Variants in LEMD1 observed in about 807,000 individuals in gnomAD.
LEMD1 encodes the protein LEM domain-containing protein 1.
LEMD1 carries 18 observed loss-of-function variants against 17.4 expected under a neutral mutation model. The ratio of observed to expected loss-of-function variants is 1.04; its 90% CI spans 0.72 to 1.54. The LOEUF (loss-of-function observed/expected upper bound fraction) is 1.54. Ranked by LOEUF, LEMD1 falls within the 40% of genes most tolerant of loss-of-function variation. The pLI is 0.00. For synonymous variants in LEMD1, 88 were observed against 77.8 expected, an observed-to-expected ratio of 1.13 and a Z score of -0.69; for missense variants, 195 against 210.4, an observed-to-expected ratio of 0.93 and a Z score of 0.45.
chr1:205,398,857 A>C (rs1032722438), intron 4 of LEMD1, among the ~76,000 whole-genome samples: 7 of 152,192 alleles, frequency 4.6e-5, no homozygotes, highest in African/African-American at 1.7e-4. Context: ...TCACGGACAT[A>C]GTTACGGGTG....
chr1:205,435,558 T>A lies in LEMD1; in HGVS notation c.-39+14310A>T, dbSNP rs7537336. ...GGAGGGACAGAAGAAAGGGAAGTAC[T>A]GGTTTCAATTCCCCAGTGAATCTGA... On this transcript the variant is annotated intron_variant, in intron 1 of 3. Transcript: ENST00000367154. 296 of 152,164 alleles carry A rather than the reference T, an allele frequency of 1.9e-3. 1 individual carries two copies. Among genetic ancestry groups the A allele is most frequent in the African/African-American group, 6.9e-3 (287 of 41,496 alleles). 9.4% of individuals were successfully genotyped at this position (152,164 alleles called of 1,614,324 possible). A position where few individuals can be genotyped will look rare whatever the true frequency, so the allele number is the denominator to read the frequency against.
intron 4 of LEMD1, chr1:205,386,613 C>T (rs893705803): frequency 6.6e-6 from 1 of 152,398 alleles, no homozygotes; most frequent in Non-Finnish European, 1.5e-5. Flanking sequence ...CCCTGTGCCC[C>T]CCTTCTTAAA....
chr1:205,398,673 G>T (rs1217705975), intron 4 of LEMD1, among the ~76,000 whole-genome samples: 1 of 152,146 alleles, frequency 6.6e-6, no homozygotes, highest in African/African-American at 2.4e-5. Flanking sequence ...GGAGTGGTGA[G>T]GTTGTGGAGG....
At chr1:205,400,946 G>A (rs1247812132) in intron 4 of LEMD1, among the ~76,000 whole-genome samples, 1 of 148,986 alleles carries the variant, frequency 6.7e-6, no homozygotes, top group Non-Finnish European at 1.5e-5. Context: ...AACATGTGGT[G>A]TTTGGTTTTT....
chr1:205,442,026 T>G (rs201440765), intron 1 of LEMD1, among the ~76,000 whole-genome samples: 1 of 152,204 alleles, frequency 6.6e-6, no homozygotes, highest in Non-Finnish European at 1.5e-5. Context: ...CTTAACCACC[T>G]GCAGATTTTT....
intron 1 of LEMD1, among the ~76,000 whole-genome samples, chr1:205,442,037 C>T (rs1666304036): frequency 6.6e-6 from 1 of 152,194 alleles, no homozygotes; most frequent in Non-Finnish European, 1.5e-5. Context: ...GCAGATTTTT[C>T]CAGTTCACCT....
In LEMD1 at chr1:205,416,252, T is replaced by C. The variant is rs1406880256; in HGVS notation, c.250A>G (p.Lys84Glu). The C allele has an allele frequency of 3.9e-6, 6 of 1,548,322 alleles. No individual in the cohort carries two copies. The highest frequency in any genetic ancestry group is 2.7e-5 in the African/African-American group (2 of 72,988). ...CATACTTTTTTGAGTTTCTTGCTTT[T>C]TTCTGTTGAGAGTATGATATTTCCT... ...LQGNIILSTE[K>E]SKKLKKWPEA... The change falls in exon 4 of 6, where the codon AAA becomes GAA. Residue 84 changes from lysine to glutamate, a missense_variant. Lys to Glu is a moderately conservative substitution (Grantham distance 56). Transcript: ENST00000367153.
intron 5 of LEMD1, 22 bp downstream of exon 5, chr1:205,384,266 A>G (rs560494273): frequency 1.3e-5 from 18 of 1,382,220 alleles, no homozygotes; most frequent in Non-Finnish European, 1.5e-5. Context: ...CAATTTCCAC[A>G]TATGCTAAAA....
intron 4 of LEMD1, among the ~76,000 whole-genome samples, chr1:205,411,671 AAAAGAAAG>A (rs199610367): frequency 0.065 from 9,413 of 145,924 alleles, 351 homozygotes; most frequent in East Asian, 0.11. Flanking sequence ...AGAAAGAAAG[AAAAGAAAG>A]AAAGAAAGAA....
At chr1:205,425,191 A>T (rs1266370007), upstream of LEMD1, among the ~76,000 whole-genome samples, 1 of 152,090 alleles carries the variant, frequency 6.6e-6, no homozygotes, top group Non-Finnish European at 1.5e-5. Context: ...TGTCTAGTCA[A>T]CCCTTGATTA....
intron 4 of LEMD1, among the ~76,000 whole-genome samples, chr1:205,413,462 C>T (rs1303390942): frequency 6.6e-6 from 1 of 150,684 alleles, no homozygotes; most frequent in Non-Finnish European, 1.5e-5. Context: ...TTAATTTTTA[C>T]AATTTTTGTA....
intron 4 of LEMD1, among the ~76,000 whole-genome samples, chr1:205,408,073 C>T (rs1665203901): frequency 2.1e-5 from 3 of 140,286 alleles, no homozygotes; most frequent in African/African-American, 7.8e-5. Context: ...GAGATGACAA[C>T]TAAAGAGAGC....
intron 4 of LEMD1, among the ~76,000 whole-genome samples, chr1:205,395,131 CA>C (rs1038920185): frequency 6.6e-6 from 1 of 151,464 alleles, no homozygotes; most frequent in Non-Finnish European, 1.5e-5. Context: ...GGGCAGAGGT[CA>C]AAAAAACATG....
chr1:205,392,523 C>T (rs1664392034), intron 4 of LEMD1, among the ~76,000 whole-genome samples: 1 of 151,528 alleles, frequency 6.6e-6, no homozygotes, highest in African/African-American at 2.4e-5. Context: ...GCCTGGGTGA[C>T]AGAGTGAAAT....
rs1663690625 is a variant in LEMD1 at position 205,381,506 on chromosome 1, A to T, written c.*152T>A. Reference sequence around the variant, plus strand: ...TAGGCAGGTTCCTTCCACCTGGCTGAGCCCAGACACCGATCTGTGAGAGCA... The same window carrying T: ...TAGGCAGGTTCCTTCCACCTGGCTGTGCCCAGACACCGATCTGTGAGAGCA... On this transcript the variant is annotated 3_prime_UTR_variant, in exon 6 of 6. Transcript: ENST00000367153. The T allele has an allele frequency of 1.4e-6, 1 of 725,610 alleles. No homozygotes were observed. The highest frequency in any genetic ancestry group is 2.5e-5 in the East Asian group (1 of 39,548). The allele number at this position is 725,610 out of a possible 1,614,324, so 44.9% of individuals were successfully genotyped here. A position where few individuals can be genotyped will look rare whatever the true frequency, so the allele number is the denominator to read the frequency against.
At chr1:205,393,856 C>CAAAA (rs1159859243) in intron 4 of LEMD1, among the ~76,000 whole-genome samples, 2 of 63,708 alleles carry the variant, frequency 3.1e-5, no homozygotes, top group African/African-American at 1.1e-4. Flanking sequence ...GGTACCTAGC[C>CAAAA]AAAAAAAAAA....
intron 4 of LEMD1, among the ~76,000 whole-genome samples, chr1:205,395,170 C>T (rs1664532026): frequency 6.6e-6 from 1 of 151,576 alleles, no homozygotes; most frequent in Admixed American, 6.6e-5. Context: ...TGAAATAGGG[C>T]AAGGAAAAAA....
chr1:205,423,871 T>C (rs1206318555), upstream of LEMD1, among the ~76,000 whole-genome samples: 1 of 152,224 alleles, frequency 6.6e-6, no homozygotes, highest in Non-Finnish European at 1.5e-5. Flanking sequence ...GTATTCAACA[T>C]GATAAGGTAC....
intron 4 of LEMD1, among the ~76,000 whole-genome samples, chr1:205,393,971 G>A (rs945997192): frequency 6.6e-6 from 1 of 151,976 alleles, no homozygotes; most frequent in East Asian, 1.9e-4. Flanking sequence ...ATCAATGGAT[G>A]AATGAATAAA....
Sources: gnomAD v4.1 joint callset for allele counts (sites outside exome capture counted in the v4.1 genomes callset) on GRCh38, gnomAD v4.1.1 for gene constraint, MANE v1.5 for transcripts, NCBI Gene and HGNC (gene_info 2026-07-23, HGNC 2026-07-21) for gene names.